TUSC3: variants seen among roughly 807,000 people sequenced by gnomAD.
TUSC3 encodes the protein dolichyl-diphosphooligosaccharide--protein glycosyltransferase subunit TUSC3.
Under a neutral mutation model 44.8 loss-of-function variants are expected in TUSC3, and 45 were observed. The observed-to-expected ratio is 1.00, with a 90% CI of 0.79 to 1.29. The LOEUF is 1.29. TUSC3 is among the 50% of genes most tolerant of loss of function. The probability of loss-of-function intolerance (pLI) is 0.00; values close to 1 mark genes in which losing one functional copy is unlikely to be tolerated. For missense variants in TUSC3, 519 were observed against 437.9 expected, an observed-to-expected ratio of 1.19 and a Z score of -1.65; for synonymous variants, 212 against 152.9, an observed-to-expected ratio of 1.39 and a Z score of -2.85.
the TUSC3 span, among the ~76,000 whole-genome samples, chr8:15,804,072 G>T: frequency 6.6e-6 from 1 of 152,100 alleles, no homozygotes; most frequent in Non-Finnish European, 1.5e-5. Flanking sequence ...TTCAGTAACG[G>T]GATTGCTGGG....
chr8:15,506,688 A>G (rs988469789), intron 2 of TUSC3, among the ~76,000 whole-genome samples: 1 of 152,174 alleles, frequency 6.6e-6, no homozygotes, highest in East Asian at 1.9e-4. Context: ...CTTATTCACT[A>G]TCACGAGAAC....
upstream of TUSC3, among the ~76,000 whole-genome samples, chr8:15,539,729 G>A (rs77513419): frequency 0.057 from 8,677 of 152,080 alleles, 845 homozygotes; most frequent in African/African-American, 0.2. Flanking sequence ...TAGCTAGTAC[G>A]GTGCTCTGTA....
chr8:15,687,855 A>G (rs1264765947), intron 6 of TUSC3, among the ~76,000 whole-genome samples: 1 of 152,212 alleles, frequency 6.6e-6, no homozygotes. Flanking sequence ...TCAGAAAAAA[A>G]TTGTTTTCCC....
chr8:15,756,097 A>G (rs1186243423), intron 9 of TUSC3, among the ~76,000 whole-genome samples: 1 of 152,158 alleles, frequency 6.6e-6, no homozygotes, highest in Non-Finnish European at 1.5e-5. Context: ...AAATAACAGT[A>G]ATTAGGAGAA....
At chr8:15,777,918 G>C in the TUSC3 span, among the ~76,000 whole-genome samples, 6 of 151,986 alleles carry the variant, frequency 3.9e-5, no homozygotes, top group Non-Finnish European at 5.9e-5. Context: ...CTTCGTTGTA[G>C]ATGGACCAGA....
chr8:15,846,464 C>A, the TUSC3 span, among the ~76,000 whole-genome samples: 57 of 152,162 alleles, frequency 3.7e-4, no homozygotes, highest in African/African-American at 1.3e-3. Flanking sequence ...AGACTTAGAA[C>A]CATCAATGAT....
At chr8:15,810,138 C>T in the TUSC3 span, among the ~76,000 whole-genome samples, 2 of 152,066 alleles carry the variant, frequency 1.3e-5, no homozygotes, top group South Asian at 4.2e-4. Flanking sequence ...CACCTGCAGA[C>T]TTGGGGGAAA....
rs188990122 is a variant in TUSC3 at position 15,682,570 on chromosome 8, A to G, written c.798+8734A>G. Among the ~76,000 whole-genome samples, 135 of 152,190 alleles carry G rather than the reference A, an allele frequency of 8.9e-4. 1 individual carries two copies. Among genetic ancestry groups the G allele is most frequent in the African/African-American group, 3.1e-3 (127 of 41,548 alleles). ...GTATTGTTACATGTGAAATGGATCT[A>G]TTGGAGACGGAACATATTTTAATGC... On this transcript the variant is annotated intron_variant, in intron 6 of 10. Coordinates refer to ENST00000503731, the MANE Select transcript of TUSC3 (RefSeq NM_006765.4).
chr8:15,495,028 G>A (rs1800861783), intron 2 of TUSC3, among the ~76,000 whole-genome samples: 1 of 152,184 alleles, frequency 6.6e-6, no homozygotes, highest in Non-Finnish European at 1.5e-5. Flanking sequence ...TTCTGCATGA[G>A]TTTGCCTAGG....
intron 7 of TUSC3, among the ~76,000 whole-genome samples, chr8:15,732,506 C>G (rs764323204): frequency 6.6e-6 from 1 of 151,920 alleles, no homozygotes; most frequent in East Asian, 1.9e-4. Context: ...TCATGTATAT[C>G]TTTATTAGCA....
In TUSC3 at chr8:15,724,039, T is replaced by C. The variant is rs553456991; in HGVS notation, c.799-6627T>C. ...TCTTTAGCAGGCAATTAACTGTAAA[T>C]AAGCTCATGAGAGAAGGTCCCTAAT... is the stretch of plus-strand genomic sequence containing the variant. On this transcript the variant is annotated intron_variant, in intron 6 of 10. Coordinates refer to ENST00000503731, the MANE Select transcript of TUSC3 (RefSeq NM_006765.4). 2.0e-4 allele frequency among the ~76,000 whole-genome samples: 30 copies of C among 152,210 alleles called. 2 individuals carry two copies. The South Asian group carries it at 6.2e-3, about 32-fold the overall frequency.
At chr8:15,790,777 A>G in the TUSC3 span, among the ~76,000 whole-genome samples, 6 of 152,262 alleles carry the variant, frequency 3.9e-5, no homozygotes, top group East Asian at 9.7e-4. Context: ...ATCAAGGTGT[A>G]TTTGAGGATA....
chr8:15,454,290 A>G (rs1387619308), intron 1 of TUSC3, among the ~76,000 whole-genome samples: 2 of 152,172 alleles, frequency 1.3e-5, no homozygotes, highest in African/African-American at 2.4e-5. Flanking sequence ...AAAGCTTCTT[A>G]ATAAACTTTC....
the TUSC3 span, among the ~76,000 whole-genome samples, chr8:15,801,403 T>G: frequency 6.6e-6 from 1 of 152,200 alleles, no homozygotes; most frequent in African/African-American, 2.4e-5. Context: ...GCATGTCTGC[T>G]GAAGCTGTCA....
intron 6 of TUSC3, among the ~76,000 whole-genome samples, chr8:15,678,968 GGT>G (rs1808301875): frequency 6.6e-6 from 1 of 152,126 alleles, no homozygotes; most frequent in Non-Finnish European, 1.5e-5. Flanking sequence ...AGTATTCCTT[GGT>G]GTATATGTAC....
chr8:15,631,704 G>GT (rs1336378912), intron 2 of TUSC3, among the ~76,000 whole-genome samples: 3 of 141,126 alleles, frequency 2.1e-5, no homozygotes, highest in Non-Finnish European at 4.8e-5. Context: ...GTGTGTGTGT[G>GT]TGTGTTTTGT....
chr8:15,598,364 T>A (rs555556078), intron 1 of TUSC3, among the ~76,000 whole-genome samples: 4 of 152,090 alleles, frequency 2.6e-5, no homozygotes, highest in South Asian at 4.1e-4. Context: ...CAGAGTTTTT[T>A]AATATATCTC....
chr8:15,751,285 T>C (rs1811691072), intron 9 of TUSC3, among the ~76,000 whole-genome samples: 1 of 152,146 alleles, frequency 6.6e-6, no homozygotes, highest in Non-Finnish European at 1.5e-5. Context: ...GCTAGGTGTC[T>C]CAGATGTTGG....
At chr8:15,689,258 T>C in intron 6 of TUSC3, 1 of 354,106 alleles carries the variant, frequency 2.8e-6, no homozygotes. Context: ...TGGGAATCGA[T>C]CCACTTGTGA....
Sources: gnomAD v4.1 joint callset for allele counts (sites outside exome capture counted in the v4.1 genomes callset) on GRCh38, gnomAD v4.1.1 for gene constraint, MANE v1.5 for transcripts, NCBI Gene and HGNC (gene_info 2026-07-23, HGNC 2026-07-21) for gene names.